PDE3B: variants seen among roughly 807,000 people sequenced by gnomAD.
The protein encoded by PDE3B is phosphodiesterase 3B, also known as cGMP-inhibited 3',5'-cyclic phosphodiesterase 3B.
A neutral mutation model predicts 116.8 loss-of-function variants in PDE3B; 66 were observed. The ratio of observed to expected loss-of-function variants is 0.56; its 90% CI spans 0.46 to 0.69. The LOEUF (loss-of-function observed/expected upper bound fraction) is 0.69. PDE3B is among the 30% of genes least tolerant of loss of function. PDE3B has a pLI of 0.00. For missense variants in PDE3B, 1,384 were observed against 1,368.1 expected, an observed-to-expected ratio of 1.01 and a Z score of -0.18; for synonymous variants, 595 against 533.6, an observed-to-expected ratio of 1.12 and a Z score of -1.59.
chr11:14,644,223 C>T lies in PDE3B; in HGVS notation c.148C>T (p.His50Tyr), dbSNP rs930694960. The T allele has an allele frequency of 1.9e-6, 3 of 1,590,390 alleles. No individual in the cohort carries two copies. The highest frequency in any genetic ancestry group is 2.6e-6 in the Non-Finnish European group (3 of 1,175,082). Residue 50 changes from histidine to tyrosine, a missense_variant, in exon 1 of 16, where the codon CAC becomes TAC. Around this residue, in one of 2 missense-constraint regions of PDE3B, gnomAD observed 956 missense variants for 806.8 expected, o/e 1.18. Coordinates refer to ENST00000282096, the MANE Select transcript of PDE3B (RefSeq NM_000922.4). Reference protein sequence around the residue: ...RQDPPRGFFFHLCRFCNVELR... With the variant: ...RQDPPRGFFFYLCRFCNVELR... ...GGACCCTCCGCGCGGCTTCTTCTTC[C>T]ACCTCTGCCGCTTCTGCAACGTGGA...
intron 4 of PDE3B, among the ~76,000 whole-genome samples, chr11:14,798,486 G>A (rs1306843656): frequency 6.6e-6 from 1 of 152,128 alleles, no homozygotes; most frequent in Non-Finnish European, 1.5e-5. Context: ...CTATTGAGTG[G>A]AGTAGTTTCA....
chr11:14,849,711 T>A (rs971435167), intron 12 of PDE3B, among the ~76,000 whole-genome samples: 4 of 152,100 alleles, frequency 2.6e-5, no homozygotes, highest in African/African-American at 9.7e-5. Context: ...AGAAGACATT[T>A]ATGCAGCCAA....
At chr11:14,834,179 ATTATTTT>A (rs1859983558) in intron 10 of PDE3B, among the ~76,000 whole-genome samples, 1 of 152,200 alleles carries the variant, frequency 6.6e-6, no homozygotes, top group African/African-American at 2.4e-5. Context: ...GCAAAACAAT[ATTATTTT>A]ATCTACTAAT....
intron 5 of PDE3B, among the ~76,000 whole-genome samples, chr11:14,810,930 A>AT (rs1405824650): frequency 4.7e-5 from 7 of 147,498 alleles, no homozygotes; most frequent in Non-Finnish European, 1.1e-4. Flanking sequence ...GATGATGAGC[A>AT]TTTTTTCATG....
At chr11:14,850,851 C>T (rs924821621) in intron 12 of PDE3B, among the ~76,000 whole-genome samples, 2 of 152,076 alleles carry the variant, frequency 1.3e-5, no homozygotes, top group African/African-American at 2.4e-5. Flanking sequence ...TTTTTTGAGA[C>T]GGAGTCCTGC....
the PDE3B span, among the ~76,000 whole-genome samples, chr11:14,878,624 C>T: frequency 3.9e-5 from 6 of 152,140 alleles, no homozygotes; most frequent in African/African-American, 1.2e-4. Flanking sequence ...GAACAGTCCA[C>T]TTCATTTCAA....
chr11:14,816,563 G>A (rs1015963537), intron 5 of PDE3B, among the ~76,000 whole-genome samples: 12 of 152,266 alleles, frequency 7.9e-5, no homozygotes, highest in African/African-American at 9.6e-5. Flanking sequence ...GAAGCACTCT[G>A]TTTTGTTCCC....
chr11:14,818,236 A>G lies in PDE3B; in HGVS notation c.1576A>G (p.Thr526Ala), dbSNP rs1370463188. 4 of 1,613,654 alleles carry G rather than the reference A, an allele frequency of 2.5e-6. No homozygotes were observed. In the African/African-American group the frequency reaches 4.0e-5, roughly 16 times the overall value. Residue 526 changes from threonine to alanine, a missense_variant, in exon 6 of 16, where the codon ACT becomes GCT. By Grantham distance (58) the Thr-to-Ala change is moderately conservative (BLOSUM62 0). Around this residue, in one of 2 missense-constraint regions of PDE3B, gnomAD observed 956 missense variants for 806.8 expected, o/e 1.18. Transcript: ENST00000282096. Reference sequence around the variant, plus strand: ...TTCTTCCAACCATGGACCAGTGTCTACTGGCTCTCTAACTAATCGATCACC... The same window carrying G: ...TTCTTCCAACCATGGACCAGTGTCTGCTGGCTCTCTAACTAATCGATCACC... ...VNSSNHGPVS[T>A]GSLTNRSPIE...
At position 14,644,143 on chromosome 11, in the gene PDE3B, C is replaced by T. The variant is rs114999742; in HGVS notation, c.68C>T (p.Pro23Leu). Residue 23 changes from proline (P) to leucine (L), a missense_variant, in exon 1 of 16, where the codon CCC becomes CTC. Transcript: ENST00000282096. The stretch of plus-strand genomic sequence containing the variant: ...CAGCCGCCGGATGGGGCCGGCTCGC[C>T]CCCCGAGAGTCTGAGGAACGGCTAC... ...SLQPPDGAGS[P>L]PESLRNGYVK... The T allele has an allele frequency of 1.2e-3, 1,868 of 1,590,888 alleles. 26 individuals are homozygous for T. In the African/African-American group the frequency reaches 0.022, roughly 19 times the overall value.
intron 1 of PDE3B, among the ~76,000 whole-genome samples, chr11:14,661,338 G>A (rs191571376): frequency 1.0e-3 from 157 of 152,334 alleles, no homozygotes; most frequent in Non-Finnish European, 1.7e-3. Context: ...CGAGATGGCC[G>A]AATAGGAACA....
the PDE3B span, among the ~76,000 whole-genome samples, chr11:14,889,036 T>C: frequency 6.6e-6 from 1 of 152,186 alleles, no homozygotes; most frequent in Non-Finnish European, 1.5e-5. Flanking sequence ...GCCTTTAAAA[T>C]GAATATATAA....
At chr11:14,687,492 A>G (rs937888870) in intron 1 of PDE3B, among the ~76,000 whole-genome samples, 1 of 152,158 alleles carries the variant, frequency 6.6e-6, no homozygotes, top group Non-Finnish European at 1.5e-5. Context: ...AGACAATAGA[A>G]CTATGTTTAT....
At chr11:14,722,123 C>T (rs1856127695) in intron 1 of PDE3B, among the ~76,000 whole-genome samples, 1 of 146,524 alleles carries the variant, frequency 6.8e-6, no homozygotes, top group Non-Finnish European at 1.5e-5. Flanking sequence ...AACACATGGA[C>T]ACAGGAAGGG....
intron 1 of PDE3B, 51 bp from the exon 2 acceptor site, chr11:14,771,886 A>G (rs372601024): frequency 1.3e-6 from 1 of 762,822 alleles, no homozygotes; most frequent in Non-Finnish European, 2.0e-6. Context: ...GTCTTTACAT[A>G]TACTTTTTTG....
chr11:14,833,103 C>T lies in PDE3B; in HGVS notation c.2206+270C>T, dbSNP rs551733704. ...GGTAGCTGGGATTACAGGTGCCCGCCACCACACCCAGCTAATTTTTTATAT... is the reference window on the plus strand; with the variant it reads ...GGTAGCTGGGATTACAGGTGCCCGCTACCACACCCAGCTAATTTTTTATAT... On this transcript the variant is annotated intron_variant, in intron 10 of 15. Transcript: ENST00000282096. Among the ~76,000 whole-genome samples, 5 of 152,158 alleles carry T rather than the reference C, an allele frequency of 3.3e-5. No homozygotes were observed. The South Asian group carries it at 8.3e-4, about 25-fold the overall frequency.
chr11:14,897,310 TGAA>T, the PDE3B span, among the ~76,000 whole-genome samples: 1 of 152,208 alleles, frequency 6.6e-6, no homozygotes, highest in African/African-American at 2.4e-5. Flanking sequence ...CTGATGATGA[TGAA>T]GGAGGCCTCC....
intron 1 of PDE3B, among the ~76,000 whole-genome samples, chr11:14,665,340 C>A (rs1854097727): frequency 6.6e-6 from 1 of 152,292 alleles, no homozygotes; most frequent in East Asian, 1.9e-4. Context: ...TGGAAGCATT[C>A]CCTTTGAAAA....
intron 2 of PDE3B, 111 bp from the exon 3 acceptor site, chr11:14,786,326 G>A (rs1330173327): frequency 1.5e-5 from 11 of 729,610 alleles, no homozygotes; most frequent in Non-Finnish European, 6.2e-6. Context: ...TAAAGTTCAC[G>A]GTTATTTGCT....
intron 1 of PDE3B, among the ~76,000 whole-genome samples, chr11:14,718,634 A>G (rs1279122536): frequency 1.3e-5 from 2 of 150,476 alleles, no homozygotes; most frequent in Non-Finnish European, 3.0e-5. Flanking sequence ...AAACCGCTCA[A>G]CTACATGGAA....
Sources: allele counts gnomAD v4.1 joint callset (sites outside exome capture counted in the v4.1 genomes callset), GRCh38; gene constraint gnomAD v4.1.1; regional missense constraint gnomAD v4.1.1; transcripts MANE v1.5; gene names NCBI Gene and HGNC (gene_info 2026-07-23, HGNC 2026-07-21).